Variants in SMOC1 observed in about 807,000 individuals in gnomAD.
The protein encoded by SMOC1 is SPARC-related modular calcium-binding protein 1.
SMOC1 carries 22 observed loss-of-function variants against 56.3 expected under a neutral mutation model. The ratio of observed to expected loss-of-function variants is 0.39; its 90% CI spans 0.28 to 0.56. The LOEUF (loss-of-function observed/expected upper bound fraction) is 0.56. Among genes scored for constraint, SMOC1 ranks in the 20% least tolerant of loss-of-function variants. SMOC1 has a pLI of 0.61. For synonymous variants in SMOC1, 193 were observed against 215.0 expected (o/e 0.90, Z 0.89); for missense variants, 509 against 565.4 (o/e 0.90, Z 1.01).
intron 7 of SMOC1, among the ~76,000 whole-genome samples, chr14:70,008,895 G>T (rs928096920): frequency 2.0e-5 from 3 of 152,186 alleles, no homozygotes; most frequent in African/African-American, 7.2e-5. Flanking sequence ...TCCCCTTGAA[G>T]TTGCCATGGC....
intron 5 of SMOC1, among the ~76,000 whole-genome samples, chr14:69,990,783 A>C (rs1312335669): frequency 6.6e-6 from 1 of 152,176 alleles, no homozygotes; most frequent in African/African-American, 2.4e-5. Flanking sequence ...TCTTCCTGCT[A>C]CATCTCATTT....
chr14:69,975,932 G>A, intron 4 of SMOC1, 118 bp downstream of exon 4: 1 of 723,786 alleles, frequency 1.4e-6, no homozygotes, highest in Non-Finnish European at 2.5e-6. Flanking sequence ...CCTTTTTCTA[G>A]ATCAGGGAGG....
chr14:69,909,274 T>G (rs1594796830), intron 1 of SMOC1, among the ~76,000 whole-genome samples: 1 of 152,210 alleles, frequency 6.6e-6, no homozygotes, highest in African/African-American at 2.4e-5. Flanking sequence ...GCATATTCAC[T>G]CTATATGCTT....
chr14:69,908,714 C>G (rs1236102517), intron 1 of SMOC1, among the ~76,000 whole-genome samples: 1 of 152,046 alleles, frequency 6.6e-6, no homozygotes, highest in African/African-American at 2.4e-5. Context: ...GACAGGTCTT[C>G]CTATTAGTGT....
rs756608710 is a variant in SMOC1 at position 69,985,838 on chromosome 14, TA to T, written c.527-6575del. On this transcript the variant is annotated intron_variant, in intron 5 of 11. Coordinates refer to ENST00000361956, the MANE Select transcript of SMOC1 (RefSeq NM_001034852.3). ...ATAGACAATATTCATATAACTTTTA[TA>T]AAAGTACATTGTTATAATTATTCTA... is the stretch of plus-strand genomic sequence containing the variant. Among the ~76,000 whole-genome samples, 5 of 152,378 alleles carry T rather than the reference TA, an allele frequency of 3.3e-5. No homozygotes were observed. The South Asian group carries it at 6.2e-4, about 19-fold the overall frequency.
chr14:69,892,265 G>A (rs765049092), intron 1 of SMOC1, among the ~76,000 whole-genome samples: 5 of 152,196 alleles, frequency 3.3e-5, no homozygotes, highest in African/African-American at 4.8e-5. Flanking sequence ...ACTGGTCACC[G>A]ATTAATGTTT....
At chr14:69,895,867 C>CTT (rs71448303) in intron 1 of SMOC1, among the ~76,000 whole-genome samples, 5 of 122,860 alleles carry the variant, frequency 4.1e-5, no homozygotes, top group African/African-American at 1.4e-4. Flanking sequence ...CTCTTTTTTT[C>CTT]TTTTTTTTTT....
At chr14:69,979,059 A>C (rs930660353) in intron 5 of SMOC1, among the ~76,000 whole-genome samples, 3 of 152,000 alleles carry the variant, frequency 2.0e-5, no homozygotes, top group Non-Finnish European at 4.4e-5. Flanking sequence ...TCCCACCTGC[A>C]TCTAGGCCTT....
chr14:69,956,854 C>T (rs1020342680), intron 3 of SMOC1, among the ~76,000 whole-genome samples: 2 of 152,128 alleles, frequency 1.3e-5, no homozygotes, highest in African/African-American at 4.8e-5. Context: ...GTCTTGAAAC[C>T]TAGGCCATAT....
intron 9 of SMOC1, among the ~76,000 whole-genome samples, chr14:70,012,873 T>A (rs1159411598): frequency 1.3e-5 from 2 of 152,266 alleles, no homozygotes; most frequent in East Asian, 1.9e-4. Context: ...TGTAAGATGG[T>A]TGAGGAGGGA....
rs552940376 is a variant in SMOC1 at position 69,954,422 on chromosome 14, G to A, written c.378+890G>A. On this transcript the variant is annotated intron_variant, in intron 3 of 11. Coordinates refer to ENST00000361956, the MANE Select transcript of SMOC1 (RefSeq NM_001034852.3). ...GGCCTCAAGTGATCCTCCCACCTCA[G>A]CCTCCAAAAGTGCTAGGATTATAGT... Among the ~76,000 whole-genome samples, 5 of 152,244 alleles carry A rather than the reference G, an allele frequency of 3.3e-5. No homozygotes were observed. In the East Asian group the frequency reaches 9.6e-4, roughly 29 times the overall value.
intron 1 of SMOC1, 83 bp from the exon 2 acceptor site, chr14:69,952,055 A>C (rs1883016511): frequency 6.6e-7 from 1 of 1,508,612 alleles, no homozygotes; most frequent in Admixed American, 1.7e-5. Context: ...TTCTAAAGGC[A>C]AACAAGTACT....
intron 1 of SMOC1, among the ~76,000 whole-genome samples, chr14:69,886,330 C>T (rs1196733841): frequency 6.6e-6 from 1 of 152,112 alleles, no homozygotes; most frequent in Non-Finnish European, 1.5e-5. Flanking sequence ...ATCTGCAAGC[C>T]CCTTGAGGAC....
At chr14:69,919,559 G>A (rs961839991) in intron 1 of SMOC1, among the ~76,000 whole-genome samples, 1 of 152,244 alleles carries the variant, frequency 6.6e-6, no homozygotes, top group Non-Finnish European at 1.5e-5. Flanking sequence ...TTATGGACCT[G>A]CAGAAGAAAT....
chr14:70,030,315 A>T lies in SMOC1; in HGVS notation c.*57A>T. On this transcript the variant is annotated 3_prime_UTR_variant, in exon 12 of 12. Coordinates refer to ENST00000361956, the MANE Select transcript of SMOC1 (RefSeq NM_001034852.3). ...CCAGGGAGGCAGGATGGATCACCAG[A>T]CACCTAACCTTCAGCGTTGCCCATG... 1 of 1,606,540 alleles carries T rather than the reference A, an allele frequency of 6.2e-7. No homozygotes were observed. The highest frequency in any genetic ancestry group is 8.5e-7 in the Non-Finnish European group (1 of 1,176,174).
chr14:69,900,502 A>G (rs977267464), intron 1 of SMOC1, among the ~76,000 whole-genome samples: 1 of 152,172 alleles, frequency 6.6e-6, no homozygotes, highest in African/African-American at 2.4e-5. Flanking sequence ...GGCTCTTCTT[A>G]TGTGCCGGGT....
In SMOC1 at chr14:69,921,501, T is replaced by C. The variant is rs529169779; in HGVS notation, c.100-30637T>C. The stretch of plus-strand genomic sequence containing the variant: ...CATCAATTCATTCAACAAACAGTTG[T>C]TGTACATCCCTGATGTGTCACATGC... On this transcript the variant is annotated intron_variant, in intron 1 of 11. Transcript: ENST00000361956. 2.6e-5 allele frequency among the ~76,000 whole-genome samples: 4 copies of C among 152,302 alleles called. No individual in the cohort carries two copies. The South Asian group carries it at 8.3e-4, about 32-fold the overall frequency.
intron 1 of SMOC1, among the ~76,000 whole-genome samples, chr14:69,921,114 C>A (rs1884829119): frequency 6.6e-6 from 1 of 152,164 alleles, no homozygotes; most frequent in Non-Finnish European, 1.5e-5. Context: ...CCTTCTCTCG[C>A]ACAGACTTCC....
intron 3 of SMOC1, among the ~76,000 whole-genome samples, chr14:69,966,069 T>G (rs1394937286): frequency 6.6e-6 from 1 of 152,232 alleles, no homozygotes; most frequent in African/African-American, 2.4e-5. Flanking sequence ...GCTCCACTCC[T>G]GCAGGCCACT....
Sources: allele counts gnomAD v4.1 joint callset (sites outside exome capture counted in the v4.1 genomes callset), GRCh38; gene constraint gnomAD v4.1.1; transcripts MANE v1.5; gene names NCBI Gene and HGNC (gene_info 2026-07-23, HGNC 2026-07-21).